Variants in BCAS2 observed in about 807,000 individuals in gnomAD.
BCAS2 encodes the protein pre-mRNA-splicing factor SPF27.
In BCAS2, 34 loss-of-function variants were observed where a neutral mutation model predicts 35.3. That is an observed-to-expected ratio of 0.96 (90% CI 0.73 to 1.28). BCAS2 has a LOEUF of 1.28. Among genes scored for constraint, BCAS2 ranks in the 50% most tolerant of loss-of-function variants. The pLI, the probability that BCAS2 is intolerant of heterozygous loss-of-function variation, is 0.00. For synonymous variants in BCAS2, 75 were observed against 91.6 expected (o/e 0.82, Z 1.03); for missense variants, 221 against 268.1 (o/e 0.82, Z 1.23).
chr1:114,570,786 T>C (rs1209533039), intron 4 of BCAS2, 36 bp from the exon 5 acceptor site: 8 of 1,390,802 alleles, frequency 5.8e-6, no homozygotes, highest in African/African-American at 1.4e-5. Context: ...TAAAATACAT[T>C]AAAATAGTAC....
At chr1:114,575,186 C>CT (rs71090790) in intron 4 of BCAS2, among the ~76,000 whole-genome samples, 8 of 79,310 alleles carry the variant, frequency 1.0e-4, no homozygotes, top group Admixed American at 2.9e-4. Context: ...TTTTTCTTTT[C>CT]TTTTTTTTTT....
At chr1:114,576,812 TAACA>T in intron 2 of BCAS2, 54 bp from the exon 3 acceptor site, 2 of 1,349,536 alleles carry the variant, frequency 1.5e-6, no homozygotes, top group Non-Finnish European at 2.1e-6. Context: ...AACTAAAAAT[TAACA>T]ATCACCAAAG....
intron 1 of BCAS2, 52 bp downstream of exon 1, chr1:114,581,447 C>A: frequency 6.2e-7 from 1 of 1,613,980 alleles, no homozygotes; most frequent in Non-Finnish European, 8.5e-7. Flanking sequence ...ATGTTTCTTT[C>A]AGTACCGAGC....
At chr1:114,569,870 C>T (rs533237409) in intron 6 of BCAS2, 122 bp downstream of exon 6, 1 of 750,004 alleles carries the variant, frequency 1.3e-6, no homozygotes, top group South Asian at 1.8e-5. Flanking sequence ...AGGGTGAATT[C>T]AGAAAATAGC....
chr1:114,575,527 G>T, intron 4 of BCAS2, 63 bp downstream of exon 4: 1 of 1,480,754 alleles, frequency 6.8e-7, no homozygotes, highest in Non-Finnish European at 9.1e-7. Context: ...CTAAAACTTT[G>T]GGTGAGATGG....
chr1:114,580,106 T>C (rs1654851915), intron 2 of BCAS2, among the ~76,000 whole-genome samples: 1 of 152,056 alleles, frequency 6.6e-6, no homozygotes, highest in East Asian at 1.9e-4. Context: ...GCTAACTTTT[T>C]AATTTTTCTT....
intron 2 of BCAS2, 99 bp from the exon 3 acceptor site, chr1:114,576,857 T>C: frequency 1.2e-6 from 1 of 828,958 alleles, no homozygotes; most frequent in Non-Finnish European, 1.9e-6. Context: ...CCCATTATAA[T>C]GAATTGTTTA....
intron 4 of BCAS2, among the ~76,000 whole-genome samples, chr1:114,575,302 C>T (rs1570738890): frequency 1.3e-5 from 2 of 150,074 alleles, no homozygotes; most frequent in African/African-American, 2.5e-5. Context: ...ATTGTCATGC[C>T]TCAGCCTCCA....
At chr1:114,576,222 C>CCTCTCTCT (rs71580638) in intron 3 of BCAS2, among the ~76,000 whole-genome samples, 4 of 135,052 alleles carry the variant, frequency 3.0e-5, no homozygotes, top group African/African-American at 8.1e-5. Context: ...TTCAACACTG[C>CCTCTCTCT]CTCTCTCTCT....
intron 2 of BCAS2, 107 bp downstream of exon 2, chr1:114,581,192 A>C: frequency 9.3e-7 from 1 of 1,078,874 alleles, no homozygotes; most frequent in Non-Finnish European, 1.4e-6. Flanking sequence ...TACAGTAGGT[A>C]AGTAGTAGCT....
intron 2 of BCAS2, among the ~76,000 whole-genome samples, chr1:114,577,539 G>C (rs1197774997): frequency 6.6e-6 from 1 of 151,992 alleles, no homozygotes; most frequent in Non-Finnish European, 1.5e-5. Flanking sequence ...GCTAATTTTT[G>C]TATTTTTAGT....
chr1:114,577,309 A>G (rs562825846), intron 2 of BCAS2, among the ~76,000 whole-genome samples: 10 of 152,334 alleles, frequency 6.6e-5, no homozygotes, highest in African/African-American at 2.2e-4. Flanking sequence ...GGCCCTCACC[A>G]GATGCAGCCT....
rs573773992 is a variant in BCAS2 at position 114,577,403 on chromosome 1, G to A, written c.187-645C>T. ...TTTTTTTTTTGTGAGACGAAGTCTC[G>A]CTCTTGTCCCCCAGGCTGGAGCGCA... is the stretch of plus-strand genomic sequence containing the variant. On this transcript the variant is annotated intron_variant, in intron 2 of 6. Coordinates refer to ENST00000369541, the MANE Select transcript of BCAS2 (RefSeq NM_005872.3). Among the ~76,000 whole-genome samples, 15 of 151,054 alleles carry A rather than the reference G, an allele frequency of 9.9e-5. 1 individual carries two copies. The highest frequency in any genetic ancestry group is 6.3e-4 in the South Asian group (3 of 4,792).
rs750467066 is a variant in BCAS2 at position 114,576,755 on chromosome 1, C to G, written c.190G>C (p.Asp64His). The change falls in exon 3 of 7, where the codon GAC becomes CAC. Residue 64 changes from aspartate to histidine, a missense_variant. Coordinates refer to ENST00000369541, the MANE Select transcript of BCAS2 (RefSeq NM_005872.3). ...TAPDYSAFET[D>H]IMRNEFERLA... is the part of the protein sequence containing the mutation. Reference sequence around the variant, plus strand: ...CTTTCAAATTCATTTCTCATTATGTCAGTCTGATGTGTAAATCAGAAAAAA... The same window carrying G: ...CTTTCAAATTCATTTCTCATTATGTGAGTCTGATGTGTAAATCAGAAAAAA... 1.1e-4 allele frequency: 184 copies of G among 1,607,750 alleles called. No individual in the cohort carries two copies. Among genetic ancestry groups the G allele is most frequent in the Non-Finnish European group, 1.6e-4 (183 of 1,177,284 alleles).
intron 4 of BCAS2, 78 bp downstream of exon 4, chr1:114,575,512 A>C (rs1350100953): frequency 7.8e-6 from 11 of 1,412,030 alleles, no homozygotes; most frequent in Non-Finnish European, 8.6e-6. Context: ...TACTTTTAAA[A>C]TGTACTAAAA....
intron 6 of BCAS2, 132 bp from the exon 7 acceptor site, chr1:114,568,388 C>G: frequency 1.1e-6 from 1 of 870,244 alleles, no homozygotes. Flanking sequence ...TTTTTTGAGA[C>G]GGAGTCTCGC....
At chr1:114,575,520 A>T in intron 4 of BCAS2, 70 bp downstream of exon 4, 4 of 1,465,246 alleles carry the variant, frequency 2.7e-6, no homozygotes, top group Non-Finnish European at 3.7e-6. Context: ...AAATGTACTA[A>T]AACTTTGGGT....
At chr1:114,576,403 C>T (rs140031178) in intron 3 of BCAS2, among the ~76,000 whole-genome samples, 3 of 151,156 alleles carry the variant, frequency 2.0e-5, no homozygotes, top group East Asian at 1.9e-4. Flanking sequence ...GCTGGGTCCA[C>T]GGGTGCGTGC....
At chr1:114,574,366 C>T (rs1157695033) in intron 4 of BCAS2, among the ~76,000 whole-genome samples, 2 of 152,168 alleles carry the variant, frequency 1.3e-5, no homozygotes, top group African/African-American at 2.4e-5. Context: ...AGTTCAAGTT[C>T]CAAGTCTGGG....
Sources: gnomAD v4.1 joint callset for allele counts (sites outside exome capture counted in the v4.1 genomes callset) on GRCh38, gnomAD v4.1.1 for gene constraint, MANE v1.5 for transcripts, NCBI Gene and HGNC (gene_info 2026-07-23, HGNC 2026-07-21) for gene names.